DAAM1: variants seen among roughly 807,000 people sequenced by gnomAD.
The protein encoded by DAAM1 is dishevelled associated activator of morphogenesis 1.
DAAM1 carries 52 observed loss-of-function variants against 130.0 expected under a neutral mutation model. The ratio of observed to expected loss-of-function variants is 0.40; its 90% confidence interval spans 0.32 to 0.50. The LOEUF (loss-of-function observed/expected upper bound fraction) is 0.50, where lower values mean the gene tolerates loss of function less well. DAAM1 is among the 20% of genes least tolerant of loss of function. DAAM1 has a pLI of 0.61. For missense variants in DAAM1, 1,134 were observed against 1,303.8 expected (o/e 0.87, Z 2.01); for synonymous variants, 452 against 444.5 (o/e 1.02, Z -0.21).
intron 3 of DAAM1, among the ~76,000 whole-genome samples, chr14:59,311,415 A>G (rs1356078164): frequency 6.6e-6 from 1 of 152,098 alleles, no homozygotes. Context: ...GTCTTGATGC[A>G]TTCCATGTCA....
intron 2 of DAAM1, among the ~76,000 whole-genome samples, chr14:59,283,243 A>G (rs752451500): frequency 6.6e-6 from 1 of 152,216 alleles, no homozygotes; most frequent in African/African-American, 2.4e-5. Context: ...AACTGTTTGA[A>G]TAATTGACCT....
chr14:59,303,854 T>C (rs1884275325), intron 3 of DAAM1, among the ~76,000 whole-genome samples: 1 of 152,058 alleles, frequency 6.6e-6, no homozygotes, highest in African/African-American at 2.4e-5. Flanking sequence ...GAGCCAAAAT[T>C]GCACGACTGT....
chr14:59,271,970 G>GA (rs909249547), intron 2 of DAAM1, among the ~76,000 whole-genome samples: 19 of 150,204 alleles, frequency 1.3e-4, no homozygotes, highest in African/African-American at 3.4e-4. Flanking sequence ...CTGATAGAAG[G>GA]AAAAAAAAAC....
intron 1 of DAAM1, among the ~76,000 whole-genome samples, chr14:59,189,819 G>C (rs1218485678): frequency 6.6e-6 from 1 of 152,084 alleles, no homozygotes; most frequent in Non-Finnish European, 1.5e-5. Context: ...CCCTGCTAAG[G>C]TCTCAAGTTG....
At chr14:59,289,767 G>GATAGATAGATATATATATATAT (rs375183979) in intron 2 of DAAM1, among the ~76,000 whole-genome samples, 1 of 110,218 alleles carries the variant, frequency 9.1e-6, no homozygotes, top group Admixed American at 9.1e-5. Flanking sequence ...AACAAAATGT[G>GATAGATAGATATATATATATAT]ATATATATAT....
Position 59,367,437 on chromosome 14 carries a change from A to G in DAAM1, c.2835A>G (p.Lys945=). 6.2e-7 allele frequency: 1 copy of G among 1,606,576 alleles called. No homozygotes were observed. Among genetic ancestry groups the G allele is most frequent in the East Asian group, 2.2e-5 (1 of 44,712 alleles). The part of the protein sequence containing the change: ...LLAEAKDLFT[K]AVKHFGEEAG... ...AACCATCTTTTTCCTAGTTTACTAA[A>G]GCAGTGAAGCACTTTGGGGAAGAGG... The change falls in exon 24 of 25, where the codon AAA becomes AAG. Residue 945 remains lysine (K), a synonymous_variant. Coordinates refer to ENST00000360909, the MANE Select transcript of DAAM1 (RefSeq NM_001270520.2).
chr14:59,217,038 T>C (rs1350325664), intron 1 of DAAM1, among the ~76,000 whole-genome samples: 2 of 152,182 alleles, frequency 1.3e-5, no homozygotes, highest in South Asian at 2.1e-4. Context: ...AGATATTTGA[T>C]CCACGTTTGT....
chr14:59,196,973 T>G (rs1174521054), intron 1 of DAAM1, among the ~76,000 whole-genome samples: 1 of 151,998 alleles, frequency 6.6e-6, no homozygotes, highest in Non-Finnish European at 1.5e-5. Context: ...CAGGCTGGAG[T>G]GCAGTGGCGC....
At chr14:59,197,869 CT>C (rs1225584612) in intron 1 of DAAM1, among the ~76,000 whole-genome samples, 1 of 152,154 alleles carries the variant, frequency 6.6e-6, no homozygotes, top group African/African-American at 2.4e-5. Flanking sequence ...CATCACTGAC[CT>C]TACAGAAAAG....
At chr14:59,354,042 T>G in intron 19 of DAAM1, 78 bp downstream of exon 19, 1 of 1,366,008 alleles carries the variant, frequency 7.3e-7, no homozygotes, top group Non-Finnish European at 1.0e-6. Context: ...GTGCATATAG[T>G]AAACAAGATC....
At chr14:59,355,362 G>A (rs757889514) in intron 20 of DAAM1, 29 bp downstream of exon 20, 4 of 1,611,786 alleles carry the variant, frequency 2.5e-6, no homozygotes, top group African/African-American at 1.3e-5. Flanking sequence ...AACACTTGGG[G>A]GAGCCAGGTG....
chr14:59,340,250 T>C, intron 16 of DAAM1, 70 bp downstream of exon 16: 1 of 1,443,668 alleles, frequency 6.9e-7, no homozygotes. Context: ...AAACCACATG[T>C]TAGTGATTTT....
At chr14:59,250,829 T>C (rs1287961303) in intron 1 of DAAM1, among the ~76,000 whole-genome samples, 4 of 152,266 alleles carry the variant, frequency 2.6e-5, no homozygotes, top group Non-Finnish European at 4.4e-5. Context: ...TTGCTACAAA[T>C]ACAGTTTTTA....
chr14:59,198,732 TAG>T (rs1263776942), intron 1 of DAAM1, among the ~76,000 whole-genome samples: 1 of 152,236 alleles, frequency 6.6e-6, no homozygotes, highest in Non-Finnish European at 1.5e-5. Context: ...TTCTGTTTGG[TAG>T]AGTGTTTAAT....
chr14:59,335,568 G>A lies in DAAM1; in HGVS notation c.1968+3648G>A, dbSNP rs186433088. On this transcript the variant is annotated intron_variant, in intron 15 of 24. Transcript: ENST00000360909. ...CTCTATCCATACAATTGAATAGAGG[G>A]GAAATGAGCTAAAGGCACTACATTT... is the stretch of plus-strand genomic sequence containing the variant. Among the ~76,000 whole-genome samples, 95 of 152,258 alleles carry A rather than the reference G, an allele frequency of 6.2e-4. No individual in the cohort carries two copies. The Middle Eastern group carries it at 0.02, about 33-fold the overall frequency.
chr14:59,272,632 T>C (rs4901911), intron 2 of DAAM1, among the ~76,000 whole-genome samples: 42,530 of 125,554 alleles, frequency 0.34, 7,216 homozygotes, highest in East Asian at 0.56. Flanking sequence ...CACACACACA[T>C]ACACACATAT....
At chr14:59,255,703 T>C (rs992246097) in intron 1 of DAAM1, among the ~76,000 whole-genome samples, 4 of 151,892 alleles carry the variant, frequency 2.6e-5, no homozygotes, top group Non-Finnish European at 5.9e-5. Context: ...AACTCTGTTT[T>C]CTTGTCCTTC....
At position 59,359,382 on chromosome 14, in the gene DAAM1, C is replaced by T. The variant is rs45531333; in HGVS notation, c.2526-15C>T. The T allele has an allele frequency of 1.0e-4, 156 of 1,564,952 alleles. No individual in the cohort carries two copies. The highest frequency in any genetic ancestry group is 1.3e-4 in the Non-Finnish European group (153 of 1,137,158). The stretch of plus-strand genomic sequence containing the variant: ...TAATTTGAATGTTTAATACTCTTCC[C>T]TTCTTCAATTGTAGAAACATTACCC... On this transcript the variant is annotated splice_polypyrimidine_tract_variant and intron_variant, in intron 20 of 24. Transcript: ENST00000360909.
intron 3 of DAAM1, among the ~76,000 whole-genome samples, chr14:59,300,357 G>T (rs933716133): frequency 6.6e-6 from 1 of 152,210 alleles, no homozygotes; most frequent in Admixed American, 6.5e-5. Flanking sequence ...CAAAACTTCA[G>T]TGATGGAAAG....
Sources: allele counts gnomAD v4.1 joint callset (sites outside exome capture counted in the v4.1 genomes callset), GRCh38; gene constraint gnomAD v4.1.1; transcripts MANE v1.5; gene names NCBI Gene and HGNC (gene_info 2026-07-23, HGNC 2026-07-21).